SYNE2: variants seen among roughly 807,000 people sequenced by gnomAD.
The protein encoded by SYNE2 is spectrin repeat containing nuclear envelope protein 2, also known as nesprin-2.
A neutral mutation model predicts 856.3 loss-of-function variants in SYNE2; 431 were observed. The observed-to-expected ratio is 0.50, with a 90% CI of 0.47 to 0.55. The LOEUF (loss-of-function observed/expected upper bound fraction) is 0.55, where lower values mean the gene tolerates loss of function less well. Among genes scored for constraint, SYNE2 ranks in the 20% least tolerant of loss-of-function variants. The pLI, the probability that SYNE2 is intolerant of heterozygous loss-of-function variation, is 0.00. For missense variants in SYNE2, 8,129 were observed against 8,023.2 expected, an observed-to-expected ratio of 1.01 and a Z score of -0.50; for synonymous variants, 2,923 against 2,872.3, an observed-to-expected ratio of 1.02 and a Z score of -0.56.
At chr14:63,961,152 C>T (rs954340662) in intron 8 of SYNE2, among the ~76,000 whole-genome samples, 4 of 152,192 alleles carry the variant, frequency 2.6e-5, no homozygotes, top group Admixed American at 6.5e-5. Flanking sequence ...GCTGTATGTT[C>T]CTGCATTCCT....
intron 39 of SYNE2, 65 bp downstream of exon 39, chr14:64,024,524 T>C (rs1403778880): frequency 1.4e-6 from 2 of 1,477,888 alleles, no homozygotes; most frequent in Non-Finnish European, 9.3e-7. Context: ...GTACTCTGCC[T>C]CAGCGCAGAG....
chr14:63,926,506 A>C (rs1478395333), intron 2 of SYNE2, among the ~76,000 whole-genome samples: 1 of 152,052 alleles, frequency 6.6e-6, no homozygotes, highest in African/African-American at 2.4e-5. Context: ...ACAACTACTA[A>C]CTCTGCCATT....
In SYNE2 at chr14:64,122,070, C is replaced by T. The variant is rs1309450077; in HGVS notation, c.13217C>T (p.Ala4406Val). The change falls in exon 69 of 116, where the codon GCT becomes GTT. Residue 4406 changes from alanine to valine, a missense_variant. This residue lies in a region of SYNE2 where 5,410 missense variants were observed against 5,284.8 expected (regional missense o/e 1.02). Coordinates refer to ENST00000555002, the MANE Select transcript of SYNE2 (RefSeq NM_182914.3). Reference sequence around the variant, plus strand: ...TTCATCAAATTCATAGAATTTAATGCTAAGAAAATGTGGCCCCAGTATTGC... The same window carrying T: ...TTCATCAAATTCATAGAATTTAATGTTAAGAAAATGTGGCCCCAGTATTGC... The part of the protein sequence containing the change: ...KDFIKFIEFN[A>V]KKMWPQYCQH... The T allele has an allele frequency of 2.5e-6, 4 of 1,613,828 alleles. No homozygotes were observed. In the African/African-American group the frequency reaches 4.0e-5, roughly 16 times the overall value.
At chr14:64,160,406 C>G (rs1478006702) in intron 87 of SYNE2, among the ~76,000 whole-genome samples, 1 of 152,116 alleles carries the variant, frequency 6.6e-6, no homozygotes, top group African/African-American at 2.4e-5. Flanking sequence ...GTAGTTACCT[C>G]TAGATAAATG....
rs377394999 is a variant in SYNE2, at chr14:64,225,513, C to T, written c.20711C>T (p.Pro6904Leu). Reference protein sequence around the residue: ...FYPMLRYTNGPPPT With the variant: ...FYPMLRYTNGLPPT Reference sequence around the variant, plus strand: ...CCCATGCTGAGGTACACCAATGGGCCACCCCCCACATAGAGGGCATAGCTG... The same window carrying T: ...CCCATGCTGAGGTACACCAATGGGCTACCCCCCACATAGAGGGCATAGCTG... Residue 6904 changes from proline to leucine, a missense_variant, in exon 116 of 116, where the codon CCA (proline) becomes CTA (leucine). Pro to Leu is a moderately conservative substitution (Grantham distance 98). Coordinates refer to ENST00000555002, the MANE Select transcript of SYNE2 (RefSeq NM_182914.3). 63 of 1,613,976 alleles carry T rather than the reference C, an allele frequency of 3.9e-5. No individual in the cohort carries two copies. The highest frequency in any genetic ancestry group is 5.0e-5 in the Non-Finnish European group (59 of 1,180,002).
At chr14:63,870,049 G>A (rs551523934) in intron 1 of SYNE2, among the ~76,000 whole-genome samples, 33 of 152,126 alleles carry the variant, frequency 2.2e-4, no homozygotes, top group African/African-American at 7.0e-4. Context: ...ACATTATTGC[G>A]AAACACAGCT....
At chr14:64,050,200 A>T (rs528639307) in intron 47 of SYNE2, among the ~76,000 whole-genome samples, 1 of 152,304 alleles carries the variant, frequency 6.6e-6, no homozygotes, top group East Asian at 1.9e-4. Flanking sequence ...CTGTGTCCTC[A>T]TGTGGTAGCA....
At position 63,872,842 on chromosome 14, in the gene SYNE2, A is replaced by G. The variant is rs553107178; in HGVS notation, c.-52+19699A>G. ...GTTGCACATTCTTCTGCAAGTTGCT[A>G]TCTTTCCTCTCAACTGTGAGATTCA... On this transcript the variant is annotated intron_variant, in intron 1 of 115. Transcript: ENST00000555002. Among the ~76,000 whole-genome samples, 10 of 151,030 alleles carry G rather than the reference A, an allele frequency of 6.6e-5. No individual in the cohort carries two copies. The South Asian group carries it at 2.1e-3, about 32-fold the overall frequency.
At position 64,010,009 on chromosome 14, in the gene SYNE2, C is replaced by T. The variant is rs1365208416; in HGVS notation, c.4621C>T (p.Gln1541Ter). Residue 1541 changes from glutamine (Q) to a stop codon, truncating the protein, a stop_gained, in exon 32 of 116, where the codon CAG (glutamine) becomes TAG (stop). Coordinates refer to ENST00000555002, the MANE Select transcript of SYNE2 (RefSeq NM_182914.3). LOFTEE classifies it high-confidence loss of function. The stretch of plus-strand genomic sequence containing the variant: ...AGTTTTGGAGCTCTTAAAACAATAT[C>T]AGAATTTTAAAAGCATCTTGACAAC... Reference protein sequence around the residue: ...GRVLELLKQYQNFKSILTTLI... With the variant: ...GRVLELLKQY The T allele has an allele frequency of 6.2e-7, 1 of 1,613,812 alleles. No homozygotes were observed.
At position 63,949,818 on chromosome 14, in the gene SYNE2, T is replaced by A; in HGVS notation, c.409-7T>A. ...TATAAACGTTAAGTCTACTTTGCCT[T>A]CCTTAGATTGAGAAGCTTGCCCAGA... On this transcript the variant is annotated splice_region_variant and splice_polypyrimidine_tract_variant and intron_variant, in intron 6 of 115. Transcript: ENST00000555002. 6.2e-7 allele frequency: 1 copy of A among 1,614,160 alleles called. No homozygotes were observed. The highest frequency in any genetic ancestry group is 8.5e-7 in the Non-Finnish European group (1 of 1,179,996).
chr14:63,787,314 A>G (rs145072237), intron 1 of SYNE2, among the ~76,000 whole-genome samples: 7 of 152,256 alleles, frequency 4.6e-5, no homozygotes, highest in African/African-American at 1.4e-4. Context: ...TTTTGTACCC[A>G]TTAACTGACT....
At chr14:64,166,872 G>A (rs571205043) in intron 90 of SYNE2, 23 of 283,418 alleles carry the variant, frequency 8.1e-5, no homozygotes, top group African/African-American at 4.0e-4. Flanking sequence ...GGCGGAGGTT[G>A]CAGTGAGCCG....
At position 64,113,391 on chromosome 14, in the gene SYNE2, A is replaced by G. The variant is rs745820221; in HGVS notation, c.12660A>G (p.Gln4220=). The G allele has an allele frequency of 2.0e-5, 33 of 1,614,034 alleles. 1 individual carries two copies. The highest frequency in any genetic ancestry group is 3.3e-4 in the Middle Eastern group (2 of 6,050). ...ACACTCTGGACTCTTCTGACGCGCA[A>G]GGAGGTTTGGAGCCCAGGGTGGAGA... The part of the protein sequence containing the change: ...EADTLDSSDA[Q]GGLEPRVEKT... The change falls in exon 66 of 116, where the codon CAA becomes CAG. Residue 4220 remains glutamine (Q), a synonymous_variant. Coordinates refer to ENST00000555002, the MANE Select transcript of SYNE2 (RefSeq NM_182914.3).
chr14:64,003,266 G>T lies in SYNE2; in HGVS notation c.4333G>T (p.Asp1445Tyr), dbSNP rs1315451880. ...TAATGAACTCCTTAAAAATATTCAAGATGTGCAGAGTCAAATCAGTAAAAT... is the reference window on the plus strand; with the variant it reads ...TAATGAACTCCTTAAAAATATTCAATATGTGCAGAGTCAAATCAGTAAAAT... ...KNNELLKNIQDVQSQISKIGL... is the reference protein window; with the variant it reads ...KNNELLKNIQYVQSQISKIGL... Residue 1445 changes from aspartate (D) to tyrosine (Y), a missense_variant, in exon 30 of 116, where the codon GAT (aspartate) becomes TAT (tyrosine). Around this residue, in one of 3 missense-constraint regions of SYNE2, gnomAD observed 2,422 missense variants for 2,357.4 expected, o/e 1.03. Transcript: ENST00000555002. 1 of 1,613,916 alleles carries T rather than the reference G, an allele frequency of 6.2e-7. No homozygotes were observed. The highest frequency in any genetic ancestry group is 8.5e-7 in the Non-Finnish European group (1 of 1,179,982).
At chr14:64,187,293 T>C (rs1037737614) in intron 97 of SYNE2, among the ~76,000 whole-genome samples, 1 of 152,220 alleles carries the variant, frequency 6.6e-6, no homozygotes, top group African/African-American at 2.4e-5. Context: ...ATTTAAAAAG[T>C]TGAAATTCAG....
chr14:63,906,529 A>G (rs1373664435), intron 1 of SYNE2, among the ~76,000 whole-genome samples: 1 of 152,170 alleles, frequency 6.6e-6, no homozygotes, highest in African/African-American at 2.4e-5. Context: ...TCTCTTCCCA[A>G]TTCAATCTTG....
rs1325600577 is a variant in SYNE2 at position 64,158,785 on chromosome 14, A to C, written c.15953A>C (p.Glu5318Ala). The change falls in exon 86 of 116, where the codon GAG becomes GCG. Residue 5318 changes from glutamate to alanine, a missense_variant. By Grantham distance (107) the Glu-to-Ala change is moderately radical. This residue lies in a region of SYNE2 where 5,410 missense variants were observed against 5,284.8 expected (regional missense o/e 1.02). Coordinates refer to ENST00000555002, the MANE Select transcript of SYNE2 (RefSeq NM_182914.3). ...TTGGAGACCTTGAGATGCCAGGTGG[A>C]GAACCTTCAGGTAAATTAACCAGAG... is the stretch of plus-strand genomic sequence containing the variant. The part of the protein sequence containing the change: ...LSLETLRCQV[E>A]NLQSLQDEAE... The C allele has an allele frequency of 1.9e-6, 3 of 1,613,934 alleles. No homozygotes were observed. The highest frequency in any genetic ancestry group is 2.5e-6 in the Non-Finnish European group (3 of 1,179,854).
At chr14:63,986,025 T>C (rs2096622959) in intron 18 of SYNE2, among the ~76,000 whole-genome samples, 1 of 152,220 alleles carries the variant, frequency 6.6e-6, no homozygotes, top group Non-Finnish European at 1.5e-5. Context: ...AAAGTTATTA[T>C]TGTCAAAGAA....
At chr14:64,082,926 G>T (rs2097535150) in intron 57 of SYNE2, among the ~76,000 whole-genome samples, 1 of 152,142 alleles carries the variant, frequency 6.6e-6, no homozygotes, top group Admixed American at 6.6e-5. Flanking sequence ...TGAGGCCTCG[G>T]CTGCAAAACA....
Sources: gnomAD v4.1 joint callset for allele counts (sites outside exome capture counted in the v4.1 genomes callset) on GRCh38, gnomAD v4.1.1 for gene constraint, gnomAD v4.1.1 regional missense constraint, MANE v1.5 for transcripts, NCBI Gene and HGNC (gene_info 2026-07-23, HGNC 2026-07-21) for gene names.